CNTNAP2: variants seen among roughly 807,000 people sequenced by gnomAD.
CNTNAP2 encodes contactin associated protein 2.
CNTNAP2 carries 98 observed loss-of-function variants against 155.2 expected under a neutral mutation model. That is an observed-to-expected ratio of 0.63 (90% CI 0.54 to 0.75). The LOEUF (loss-of-function observed/expected upper bound fraction) is 0.75. Ranked by LOEUF, CNTNAP2 falls within the 30% of genes least tolerant of loss-of-function variation. The probability of loss-of-function intolerance (pLI) is 0.00; values close to 1 mark genes in which losing one functional copy is unlikely to be tolerated. For synonymous variants in CNTNAP2, 651 were observed against 631.2 expected, an observed-to-expected ratio of 1.03 and a Z score of -0.47; for missense variants, 1,727 against 1,688.1, an observed-to-expected ratio of 1.02 and a Z score of -0.40.
At chr7:146,865,152 TATA>T (rs1358878380) in intron 3 of CNTNAP2, among the ~76,000 whole-genome samples, 5 of 152,002 alleles carry the variant, frequency 3.3e-5, no homozygotes, top group Admixed American at 6.6e-5. Context: ...AACAGTTAAT[TATA>T]ATAAAAATTA....
At chr7:146,383,609 C>T (rs1421154567) in intron 1 of CNTNAP2, among the ~76,000 whole-genome samples, 1 of 152,178 alleles carries the variant, frequency 6.6e-6, no homozygotes, top group African/African-American at 2.4e-5. Context: ...TTTCAAATTA[C>T]TAGTTTCAAA....
At chr7:147,033,704 T>G (rs532288557) in intron 3 of CNTNAP2, among the ~76,000 whole-genome samples, 1 of 151,830 alleles carries the variant, frequency 6.6e-6, no homozygotes, top group Non-Finnish European at 1.5e-5. Context: ...CAAAGAGGTA[T>G]GGTCTGAAAC....
At position 147,802,313 on chromosome 7, in the gene CNTNAP2, C is replaced by T. The variant is rs1331582331; in HGVS notation, c.2099-101252C>T. ...CAGACTGGGCAGCCAGGCAGAGGGGCTCCTCACATCCCAGACGATGGGCGG... is the reference window on the plus strand; with the variant it reads ...CAGACTGGGCAGCCAGGCAGAGGGGTTCCTCACATCCCAGACGATGGGCGG... On this transcript the variant is annotated intron_variant, in intron 13 of 23. Transcript: ENST00000361727. Among the ~76,000 whole-genome samples the T allele has an allele frequency of 4.3e-3, 643 of 148,288 alleles. 6 individuals are homozygous for T. Among genetic ancestry groups the T allele is most frequent in the African/African-American group, 0.016 (625 of 39,736 alleles).
chr7:146,956,083 G>A (rs1011183101), intron 3 of CNTNAP2, among the ~76,000 whole-genome samples: 8 of 130,448 alleles, frequency 6.1e-5, no homozygotes, highest in African/African-American at 2.2e-4. Context: ...AGATGAAGGA[G>A]ATCATTAGAT....
intron 13 of CNTNAP2, among the ~76,000 whole-genome samples, chr7:147,840,676 G>A: frequency 6.6e-6 from 1 of 152,246 alleles, no homozygotes; most frequent in East Asian, 1.9e-4. Flanking sequence ...AGGAAGGATC[G>A]AATGGAGATC....
At chr7:146,482,219 A>C (rs1032923862) in intron 1 of CNTNAP2, among the ~76,000 whole-genome samples, 8 of 150,938 alleles carry the variant, frequency 5.3e-5, no homozygotes, top group Non-Finnish European at 8.9e-5. Context: ...AAAAAAAAAA[A>C]AAAAAAACTC....
At chr7:148,103,723 A>G (rs1415250900) in intron 15 of CNTNAP2, among the ~76,000 whole-genome samples, 1 of 152,178 alleles carries the variant, frequency 6.6e-6, no homozygotes, top group Non-Finnish European at 1.5e-5. Context: ...TTAAAATCAG[A>G]GCATTCATTT....
intron 10 of CNTNAP2, among the ~76,000 whole-genome samples, chr7:147,423,884 A>T (rs1797336241): frequency 6.6e-6 from 1 of 152,144 alleles, no homozygotes; most frequent in Admixed American, 6.6e-5. Context: ...TTAGTCCCAC[A>T]TTCTATCATT....
At chr7:147,483,593 A>G (rs1398190321) in intron 10 of CNTNAP2, among the ~76,000 whole-genome samples, 1 of 152,242 alleles carries the variant, frequency 6.6e-6, no homozygotes, top group Non-Finnish European at 1.5e-5. Context: ...GAATTAATTG[A>G]TATAATGAGC....
chr7:146,481,823 G>T, intron 1 of CNTNAP2, among the ~76,000 whole-genome samples: 1 of 152,090 alleles, frequency 6.6e-6, no homozygotes, highest in East Asian at 1.9e-4. Flanking sequence ...GTTGAGGGGC[G>T]TCTCCTGTAG....
intron 3 of CNTNAP2, among the ~76,000 whole-genome samples, chr7:146,861,328 T>C (rs936165715): frequency 2.0e-5 from 3 of 152,098 alleles, no homozygotes; most frequent in African/African-American, 7.2e-5. Context: ...GCTGGGACTA[T>C]AGGCATGAGT....
chr7:146,678,368 C>A lies in CNTNAP2; in HGVS notation c.98-95903C>A, dbSNP rs1249811446. Among the ~76,000 whole-genome samples the A allele has an allele frequency of 4.6e-5, 7 of 152,094 alleles. No individual in the cohort carries two copies. In the South Asian group the frequency reaches 1.2e-3, roughly 27 times the overall value. ...GAATTACAGGCATCAGCTACCACAC[C>A]CAGCCATAATGTCATATTTATTACC... On this transcript the variant is annotated intron_variant, in intron 1 of 23. Transcript: ENST00000361727.
chr7:146,947,557 G>GTATGTATA (rs1797210847), intron 3 of CNTNAP2, among the ~76,000 whole-genome samples: 1 of 50,714 alleles, frequency 2.0e-5, no homozygotes, highest in African/African-American at 5.7e-5. Flanking sequence ...GTGTGTGTGT[G>GTATGTATA]TATATATATA....
chr7:147,762,071 T>C (rs769856608), intron 13 of CNTNAP2, among the ~76,000 whole-genome samples: 3 of 152,058 alleles, frequency 2.0e-5, no homozygotes, highest in Non-Finnish European at 2.9e-5. Context: ...GTCTCACTAA[T>C]ATTTGAAGTG....
intron 1 of CNTNAP2, among the ~76,000 whole-genome samples, chr7:146,309,750 A>C (rs1249134950): frequency 1.3e-5 from 2 of 151,786 alleles, no homozygotes; most frequent in Non-Finnish European, 2.9e-5. Context: ...GCAGTGAGCC[A>C]AGATCAGCCC....
At chr7:146,749,302 C>G (rs539572453) in intron 1 of CNTNAP2, among the ~76,000 whole-genome samples, 7 of 152,052 alleles carry the variant, frequency 4.6e-5, no homozygotes, top group Non-Finnish European at 1.0e-4. Context: ...AAAGTAAACA[C>G]TTTTATTACC....
At chr7:147,782,797 TCTC>T (rs1797679015) in intron 13 of CNTNAP2, among the ~76,000 whole-genome samples, 1 of 152,172 alleles carries the variant, frequency 6.6e-6, no homozygotes, top group South Asian at 2.1e-4. Context: ...TTACTCTCTC[TCTC>T]CTCTGCCTTC....
chr7:146,245,900 G>C (rs1346405087), intron 1 of CNTNAP2, among the ~76,000 whole-genome samples: 6 of 126,306 alleles, frequency 4.8e-5, no homozygotes, highest in African/African-American at 1.6e-4. Flanking sequence ...ATTGTGGAGG[G>C]AGGTATTGAG....
At chr7:146,591,003 CAG>C (rs1798774535) in intron 1 of CNTNAP2, among the ~76,000 whole-genome samples, 1 of 152,126 alleles carries the variant, frequency 6.6e-6, no homozygotes, top group African/African-American at 2.4e-5. Context: ...CATATAAATT[CAG>C]AGTCAGGAAT....
Sources: gnomAD v4.1 joint callset for allele counts (sites outside exome capture counted in the v4.1 genomes callset) on GRCh38, gnomAD v4.1.1 for gene constraint, MANE v1.5 for transcripts, NCBI Gene and HGNC (gene_info 2026-07-23, HGNC 2026-07-21) for gene names.